Variants in CLIC6 observed in about 807,000 individuals in gnomAD.
The protein encoded by CLIC6 is chloride intracellular channel protein 6.
CLIC6 carries 39 observed loss-of-function variants against 49.2 expected under a neutral mutation model. That is an observed-to-expected ratio of 0.79 (90% CI 0.61 to 1.04). The LOEUF is 1.04. Among genes scored for constraint, CLIC6 ranks in the 50% least tolerant of loss-of-function variants. CLIC6 has a pLI of 0.00. For missense variants in CLIC6, 988 were observed against 993.1 expected, an observed-to-expected ratio of 0.99 and a Z score of 0.07; for synonymous variants, 446 against 433.4, an observed-to-expected ratio of 1.03 and a Z score of -0.36.
At chr21:34,707,165 C>T (rs985423631) in intron 1 of CLIC6, 115 bp from the exon 2 acceptor site, 11 of 811,116 alleles carry the variant, frequency 1.4e-5, no homozygotes, top group South Asian at 3.1e-5. Flanking sequence ...GGAGGATATT[C>T]GCAGCATCCT....
intron 1 of CLIC6, among the ~76,000 whole-genome samples, chr21:34,672,771 C>A (rs372840768): frequency 3.9e-5 from 6 of 152,168 alleles, no homozygotes; most frequent in Admixed American, 3.9e-4. Flanking sequence ...TGCCGTGTGA[C>A]CTTGGGCAAG....
chr21:34,684,002 A>AT (rs1989827889), intron 1 of CLIC6, among the ~76,000 whole-genome samples: 1 of 151,856 alleles, frequency 6.6e-6, no homozygotes, highest in Non-Finnish European at 1.5e-5. Flanking sequence ...AGGTTTGTGG[A>AT]TTTTATCCCT....
intron 1 of CLIC6, among the ~76,000 whole-genome samples, chr21:34,672,825 G>C (rs892291687): frequency 6.6e-6 from 1 of 152,154 alleles, no homozygotes; most frequent in African/African-American, 2.4e-5. Context: ...TGATAAAATG[G>C]GGACGGTAAT....
chr21:34,717,306 C>G lies in CLIC6; in HGVS notation c.*824C>G, dbSNP rs1040265708. On this transcript the variant is annotated 3_prime_UTR_variant, in exon 6 of 6. Transcript: ENST00000349499. ...GCTGCAACTTGGAGAACCTCCCTGC[C>G]CTGAAATGTGAACCAAGCACACTTT... is the stretch of plus-strand genomic sequence containing the variant. 1.3e-5 allele frequency: 2 copies of G among 152,226 alleles called. No individual in the cohort carries two copies. The highest frequency in any genetic ancestry group is 2.9e-5 in the Non-Finnish European group (2 of 68,072). 9.4% of individuals were successfully genotyped at this position (152,226 alleles called of 1,614,324 possible). A position where few individuals can be genotyped will look rare whatever the true frequency, so the allele number is the denominator to read the frequency against.
chr21:34,708,197 A>G (rs2056030154), intron 3 of CLIC6, 128 bp downstream of exon 3: 2 of 1,108,212 alleles, frequency 1.8e-6, no homozygotes, highest in African/African-American at 1.6e-5. Context: ...TTCCTTAATC[A>G]TAACCCTGGT....
chr21:34,681,721 A>T (rs552284167), intron 1 of CLIC6, among the ~76,000 whole-genome samples: 11 of 152,192 alleles, frequency 7.2e-5, no homozygotes, highest in Non-Finnish European at 1.5e-4. Flanking sequence ...CCAAGGAAGA[A>T]GCCATAATGC....
rs530649082 is a variant in CLIC6, at chr21:34,699,724, G to A, written c.1375-7556G>A. 7.2e-5 allele frequency among the ~76,000 whole-genome samples: 11 copies of A among 152,284 alleles called. No homozygotes were observed. The South Asian group carries it at 1.9e-3, about 26-fold the overall frequency. On this transcript the variant is annotated intron_variant, in intron 1 of 5. Transcript: ENST00000349499. ...TAGAGGTTCGTTGCCTCATGCCAAGGAAATCAAGGACACAGATACACGTGA... is the reference window on the plus strand; with the variant it reads ...TAGAGGTTCGTTGCCTCATGCCAAGAAAATCAAGGACACAGATACACGTGA...
chr21:34,694,322 A>G (rs939114438), intron 1 of CLIC6, among the ~76,000 whole-genome samples: 1 of 151,070 alleles, frequency 6.6e-6, no homozygotes, highest in African/African-American at 2.4e-5. Context: ...TTTTTGAGAC[A>G]GGGTCTCGCT....
intron 1 of CLIC6, among the ~76,000 whole-genome samples, chr21:34,674,327 A>G (rs1447130046): frequency 6.6e-6 from 1 of 152,212 alleles, no homozygotes. Context: ...CCTGGGCTCA[A>G]GTGACCCTCC....
intron 1 of CLIC6, among the ~76,000 whole-genome samples, chr21:34,679,623 AGTTAGTTACTTC>A (rs1269009351): frequency 6.6e-6 from 1 of 152,228 alleles, no homozygotes; most frequent in African/African-American, 2.4e-5. Flanking sequence ...GTCAAAAGCA[AGTTAGTTACTTC>A]CCAGATACGA....
chr21:34,709,102 C>T (rs1184630268), intron 4 of CLIC6, among the ~76,000 whole-genome samples: 1 of 152,242 alleles, frequency 6.6e-6, no homozygotes, highest in African/African-American at 2.4e-5. Context: ...CACGTCTCCC[C>T]ACAGGCTTTC....
chr21:34,669,242 GC>G lies in CLIC6; in HGVS notation c.-143del. The G allele has an allele frequency of 1.6e-6, 1 of 617,956 alleles. No homozygotes were observed. The allele number at this position is 617,956 out of a possible 1,614,324, so 38.3% of individuals were successfully genotyped here. A position where few individuals can be genotyped will look rare whatever the true frequency, so the allele number is the denominator to read the frequency against. ...TGCGGGTCCTGCGCAAGGCCCCAGT[GC>G]CCCGGCTAAACCTTTGCCGCAGGAT... On this transcript the variant is annotated 5_prime_UTR_variant, in exon 1 of 6. Coordinates refer to ENST00000349499, the MANE Select transcript of CLIC6 (RefSeq NM_053277.3).
chr21:34,695,539 T>C (rs927470295), intron 1 of CLIC6, among the ~76,000 whole-genome samples: 2 of 152,228 alleles, frequency 1.3e-5, no homozygotes, highest in Non-Finnish European at 2.9e-5. Context: ...TCTGTCATGG[T>C]CATTCCAGGC....
chr21:34,715,963 T>C (rs979824345), intron 5 of CLIC6, among the ~76,000 whole-genome samples: 1 of 152,176 alleles, frequency 6.6e-6, no homozygotes, highest in Non-Finnish European at 1.5e-5. Context: ...TTTATTCACA[T>C]AGCACCAAGT....
At chr21:34,678,630 T>C (rs1471561125) in intron 1 of CLIC6, among the ~76,000 whole-genome samples, 1 of 152,172 alleles carries the variant, frequency 6.6e-6, no homozygotes, top group Non-Finnish European at 1.5e-5. Context: ...CTATATATTG[T>C]TAGAAATGGT....
At position 34,669,314 on chromosome 21, in the gene CLIC6, G is replaced by T. The variant is rs1333653239; in HGVS notation, c.-75G>T. ...AGGAGCACAGAGGGCCCCGTAGCAC[G>T]CCCCTTGCCCAGCGCCACCGACCCT... On this transcript the variant is annotated 5_prime_UTR_variant, in exon 1 of 6. Coordinates refer to ENST00000349499, the MANE Select transcript of CLIC6 (RefSeq NM_053277.3). 1.7e-6 allele frequency: 2 copies of T among 1,164,132 alleles called. No individual in the cohort carries two copies. Among genetic ancestry groups the T allele is most frequent in the Non-Finnish European group, 2.2e-6 (2 of 926,686 alleles). The allele number at this position is 1,164,132 out of a possible 1,614,324, so 72.1% of individuals were successfully genotyped here.
intron 1 of CLIC6, chr21:34,705,926 TA>T: frequency 1.9e-6 from 1 of 516,178 alleles, no homozygotes; most frequent in Non-Finnish European, 3.5e-6. Context: ...AGGAACATGT[TA>T]AAAATTCACA....
intron 1 of CLIC6, among the ~76,000 whole-genome samples, chr21:34,677,968 T>C (rs781085764): frequency 1.3e-5 from 2 of 152,206 alleles, no homozygotes; most frequent in Non-Finnish European, 2.9e-5. Context: ...GAAAAATATA[T>C]GAAATTCAAA....
chr21:34,716,292 T>G (rs1043246904), intron 5 of CLIC6, 29 bp from the exon 6 acceptor site: 1 of 1,602,268 alleles, frequency 6.2e-7, no homozygotes, highest in Non-Finnish European at 8.5e-7. Context: ...AAGTTTTCCC[T>G]TTACTGATCA....
Sources: allele counts gnomAD v4.1 joint callset (sites outside exome capture counted in the v4.1 genomes callset), GRCh38; gene constraint gnomAD v4.1.1; transcripts MANE v1.5; gene names NCBI Gene and HGNC (gene_info 2026-07-23, HGNC 2026-07-21).